Variants in STAG1 observed in about 807,000 individuals in gnomAD.
STAG1 encodes the protein STAG1 cohesin complex component, also known as cohesin subunit SA-1.
In STAG1, 26 loss-of-function variants were observed where a neutral mutation model predicts 170.9. That is an observed-to-expected ratio of 0.15 (90% confidence interval 0.11 to 0.21). STAG1 has a LOEUF of 0.21. Among genes scored for constraint, STAG1 ranks in the 10% least tolerant of loss-of-function variants. The pLI, the probability that STAG1 is intolerant of heterozygous loss-of-function variation, is 1.00. For synonymous variants in STAG1, 514 were observed against 497.7 expected (o/e 1.03, Z -0.44); for missense variants, 964 against 1,509.5 (o/e 0.64, Z 5.99).
At chr3:136,560,736 T>C (rs11924476) in intron 5 of STAG1, among the ~76,000 whole-genome samples, 1,730 of 152,302 alleles carry the variant, frequency 0.011, 24 homozygotes, top group African/African-American at 0.04. Context: ...CTAATGCAAC[T>C]TGAGATAGCT....
chr3:136,383,681 C>T (rs895150206), intron 22 of STAG1, among the ~76,000 whole-genome samples: 3 of 152,108 alleles, frequency 2.0e-5, no homozygotes, highest in Non-Finnish European at 2.9e-5. Flanking sequence ...CACGGCCAGG[C>T]GCGGTGGCTC....
chr3:136,422,281 G>T, intron 19 of STAG1, 129 bp downstream of exon 19: 1 of 736,198 alleles, frequency 1.4e-6, no homozygotes, highest in Non-Finnish European at 2.2e-6. Flanking sequence ...TAATAAGGTT[G>T]CTAAGTTTTG....
intron 1 of STAG1, among the ~76,000 whole-genome samples, chr3:136,719,202 T>C (rs913957609): frequency 2.2e-4 from 33 of 152,140 alleles, no homozygotes; most frequent in African/African-American, 8.0e-4. Context: ...CAAGAAAGTA[T>C]TGAAACATGC....
chr3:136,670,843 T>C (rs1941959384), intron 1 of STAG1, among the ~76,000 whole-genome samples: 1 of 152,188 alleles, frequency 6.6e-6, no homozygotes, highest in African/African-American at 2.4e-5. Context: ...GAAATACATG[T>C]TAGCTGACAC....
intron 2 of STAG1, among the ~76,000 whole-genome samples, chr3:136,626,067 C>T (rs1940077477): frequency 6.6e-6 from 1 of 151,196 alleles, no homozygotes; most frequent in Non-Finnish European, 1.5e-5. Context: ...ACAAACAAAA[C>T]AAAACAACAA....
At chr3:136,501,814 A>G (rs1190838277) in intron 8 of STAG1, among the ~76,000 whole-genome samples, 2 of 152,116 alleles carry the variant, frequency 1.3e-5, no homozygotes, top group Non-Finnish European at 2.9e-5. Flanking sequence ...TCTTTTTTCA[A>G]GTTATAAGAT....
At chr3:136,522,965 T>A (rs969999990) in intron 6 of STAG1, among the ~76,000 whole-genome samples, 1 of 152,166 alleles carries the variant, frequency 6.6e-6, no homozygotes, top group African/African-American at 2.4e-5. Flanking sequence ...ATCCAGTCTA[T>A]CATTGATGGA....
At chr3:136,461,856 C>T (rs921277385) in intron 13 of STAG1, among the ~76,000 whole-genome samples, 1 of 151,942 alleles carries the variant, frequency 6.6e-6, no homozygotes, top group African/African-American at 2.4e-5. Context: ...TTAGCAAAAA[C>T]GAAAACAATC....
intron 4 of STAG1, among the ~76,000 whole-genome samples, chr3:136,593,891 C>T (rs2107795736): frequency 6.6e-6 from 1 of 152,254 alleles, no homozygotes; most frequent in South Asian, 2.1e-4. Flanking sequence ...GTATTTCTGT[C>T]TTTCAATGTG....
rs1933544347 is a variant in STAG1, at chr3:136,502,616, C to T, written c.828+12G>A. On this transcript the variant is annotated intron_variant, in intron 8 of 33. Coordinates refer to ENST00000383202, the MANE Select transcript of STAG1 (RefSeq NM_005862.3). Reference sequence around the variant, plus strand: ...TACAGAACATAAAATCATCAGTTCCCATGAAACTTACCTCTTTGCGTTTCT... The same window carrying T: ...TACAGAACATAAAATCATCAGTTCCTATGAAACTTACCTCTTTGCGTTTCT... 2 of 1,611,124 alleles carry T rather than the reference C, an allele frequency of 1.2e-6. No homozygotes were observed. Among genetic ancestry groups the T allele is most frequent in the Non-Finnish European group, 1.7e-6 (2 of 1,178,770 alleles).
At chr3:136,389,630 C>G (rs1304484197) in intron 22 of STAG1, among the ~76,000 whole-genome samples, 2 of 152,124 alleles carry the variant, frequency 1.3e-5, no homozygotes. Context: ...AGCAATTCTC[C>G]TGCCTCGGCC....
chr3:136,709,727 C>CCCCT (rs2107917264), intron 1 of STAG1, among the ~76,000 whole-genome samples: 1 of 151,932 alleles, frequency 6.6e-6, no homozygotes, highest in Non-Finnish European at 1.5e-5. Flanking sequence ...AGAACAAGAC[C>CCCCT]CTCTCTCTAA....
At chr3:136,369,379 G>T in intron 23 of STAG1, 97 bp from the exon 24 acceptor site, 4 of 869,984 alleles carry the variant, frequency 4.6e-6, no homozygotes, top group South Asian at 2.6e-5. Flanking sequence ...TAGTTTAATA[G>T]CAGTACCATA....
chr3:136,580,336 G>A (rs1187265105), intron 4 of STAG1, among the ~76,000 whole-genome samples: 3 of 151,698 alleles, frequency 2.0e-5, no homozygotes, highest in East Asian at 1.9e-4. Flanking sequence ...ATAAAGATAC[G>A]AATCAATAAA....
intron 1 of STAG1, among the ~76,000 whole-genome samples, chr3:136,648,594 T>A (rs897453470): frequency 6.6e-6 from 1 of 152,230 alleles, no homozygotes; most frequent in South Asian, 2.1e-4. Flanking sequence ...TTTAAGATTA[T>A]GTGTTTTATC....
intron 5 of STAG1, among the ~76,000 whole-genome samples, chr3:136,553,889 C>T (rs184045426): frequency 4.9e-4 from 75 of 152,194 alleles, no homozygotes; most frequent in Non-Finnish European, 3.2e-4. Flanking sequence ...CAAAGAACAA[C>T]CACTGGTTCA....
At chr3:136,467,448 A>G (rs1434759273) in intron 12 of STAG1, among the ~76,000 whole-genome samples, 3 of 152,378 alleles carry the variant, frequency 2.0e-5, no homozygotes, top group East Asian at 1.9e-4. Context: ...CAAGTCAACA[A>G]GAAGAGCTAA....
At chr3:136,425,727 T>C (rs1412527789) in intron 16 of STAG1, among the ~76,000 whole-genome samples, 3 of 149,290 alleles carry the variant, frequency 2.0e-5, no homozygotes, top group African/African-American at 7.4e-5. Flanking sequence ...TATGTATATA[T>C]ATAAACATAT....
intron 9 of STAG1, among the ~76,000 whole-genome samples, chr3:136,478,698 C>T (rs1297745215): frequency 6.6e-6 from 1 of 152,092 alleles, no homozygotes. Context: ...CCTGTCATTG[C>T]TTAAGGATAA....
Sources: gnomAD v4.1 joint callset for allele counts (sites outside exome capture counted in the v4.1 genomes callset) on GRCh38, gnomAD v4.1.1 for gene constraint, MANE v1.5 for transcripts, NCBI Gene and HGNC (gene_info 2026-07-23, HGNC 2026-07-21) for gene names.